The following ZC3H7B variants were observed in gnomAD, a reference collection of about 807,000 sequenced individuals.
ZC3H7B encodes zinc finger CCCH domain-containing protein 7B.
ZC3H7B carries 35 observed loss-of-function variants against 116.0 expected under a neutral mutation model. The observed-to-expected ratio is 0.30, with a 90% CI of 0.23 to 0.40. The LOEUF (loss-of-function observed/expected upper bound fraction) is 0.40, where lower values mean the gene tolerates loss of function less well. Among genes scored for constraint, ZC3H7B ranks in the 10% least tolerant of loss-of-function variants. The pLI, the probability that ZC3H7B is intolerant of heterozygous loss-of-function variation, is 1.00. For synonymous variants in ZC3H7B, 502 were observed against 545.6 expected (o/e 0.92, Z 1.11); for missense variants, 1,011 against 1,321.5 (o/e 0.77, Z 3.64).
chr22:41,326,266 T>C (rs557332972), intron 4 of ZC3H7B, among the ~76,000 whole-genome samples: 35 of 152,168 alleles, frequency 2.3e-4, no homozygotes, highest in African/African-American at 8.2e-4. Flanking sequence ...CCCCACTGTT[T>C]CTTCCATAGC....
intron 1 of ZC3H7B, among the ~76,000 whole-genome samples, chr22:41,315,230 C>A (rs1054805464): frequency 2.6e-5 from 4 of 151,600 alleles, no homozygotes; most frequent in Admixed American, 2.6e-4. Flanking sequence ...TGCTAGAGTA[C>A]AAGTGGCACG....
intron 12 of ZC3H7B, 54 bp from the exon 13 acceptor site, chr22:41,343,361 A>G (rs1011733757): frequency 7.9e-5 from 124 of 1,569,446 alleles, no homozygotes; most frequent in Non-Finnish European, 1.1e-4. Context: ...CCTGCCAGCC[A>G]TCACTCTTCA....
chr22:41,322,312 T>A (rs887361731), intron 2 of ZC3H7B, among the ~76,000 whole-genome samples: 2 of 151,362 alleles, frequency 1.3e-5, no homozygotes, highest in African/African-American at 4.9e-5. Flanking sequence ...CTCAGCCTCC[T>A]GAGTAGCTGG....
intron 10 of ZC3H7B, among the ~76,000 whole-genome samples, chr22:41,340,593 G>A (rs2036509678): frequency 6.6e-6 from 1 of 152,152 alleles, no homozygotes; most frequent in African/African-American, 2.4e-5. Flanking sequence ...ACAGCCCAGG[G>A]CACTCGACTG....
chr22:41,329,080 C>A (rs1384962490), intron 5 of ZC3H7B, among the ~76,000 whole-genome samples: 2 of 148,584 alleles, frequency 1.3e-5, no homozygotes, highest in Non-Finnish European at 3.0e-5. Context: ...GTGGCACATG[C>A]CTGTAATCCC....
chr22:41,313,439 A>G (rs1454279197), intron 1 of ZC3H7B, among the ~76,000 whole-genome samples: 2 of 152,246 alleles, frequency 1.3e-5, no homozygotes, highest in South Asian at 4.1e-4. Context: ...ACCAAAGCCA[A>G]TCACTGGCAA....
At position 41,338,212 on chromosome 22, in the gene ZC3H7B, G is replaced by C; in HGVS notation, c.583-101G>C. The C allele has an allele frequency of 5.5e-6, 7 of 1,276,698 alleles. No individual in the cohort carries two copies. Among genetic ancestry groups the C allele is most frequent in the Non-Finnish European group, 6.6e-6 (6 of 910,268 alleles). The allele number at this position is 1,276,698 out of a possible 1,614,324, so 79.1% of individuals were successfully genotyped here. A position where few individuals can be genotyped will look rare whatever the true frequency, so the allele number is the denominator to read the frequency against. On this transcript the variant is annotated intron_variant, in intron 7 of 22. Transcript: ENST00000352645. This position sits in a 1 kb window ranked among gnomAD's most constrained non-coding sequence, Gnocchi z 4.5. ...TCCCCTGGCACTCTAAGTGCTCCTC[G>C]GTGCTGGGTCAACAGCATAGTCACG...
intron 2 of ZC3H7B, among the ~76,000 whole-genome samples, chr22:41,323,994 C>T (rs1295170129): frequency 2.0e-5 from 3 of 152,004 alleles, no homozygotes; most frequent in South Asian, 2.1e-4. Context: ...GGCGTGAACC[C>T]GGGAGGTGGA....
In ZC3H7B at chr22:41,320,646, C is replaced by A. The variant is rs2036243793; in HGVS notation, c.-6-9C>A. 1 of 1,613,558 alleles carries A rather than the reference C, an allele frequency of 6.2e-7. No homozygotes were observed. The highest frequency in any genetic ancestry group is 1.3e-5 in the African/African-American group (1 of 74,920). ...CTGACTGACTGATGGACTGTGCTCT[C>A]TTCCCCAGAGACTGATGGAGAGGCA... On this transcript the variant is annotated splice_polypyrimidine_tract_variant and intron_variant, in intron 1 of 22. Coordinates refer to ENST00000352645, the MANE Select transcript of ZC3H7B (RefSeq NM_017590.6).
In ZC3H7B at chr22:41,325,600, G is replaced by A. The variant is rs1213973315; in HGVS notation, c.87+3G>A. On this transcript the variant is annotated splice_donor_region_variant and intron_variant, in intron 3 of 22. Coordinates refer to ENST00000352645, the MANE Select transcript of ZC3H7B (RefSeq NM_017590.6). The stretch of plus-strand genomic sequence containing the variant: ...CCCTAAAGCAAGAAGAATATGAGGT[G>A]AGTGTCAGCTGCCAGGCTGAGCAAA... The A allele has an allele frequency of 6.2e-7, 1 of 1,611,900 alleles. No homozygotes were observed. Among genetic ancestry groups the A allele is most frequent in the Non-Finnish European group, 8.5e-7 (1 of 1,179,154 alleles).
Position 41,357,594 on chromosome 22 carries a change from T to C in ZC3H7B, c.*165T>C, listed in dbSNP as rs2036740109. The C allele has an allele frequency of 9.9e-7, 1 of 1,015,220 alleles. No homozygotes were observed. Among genetic ancestry groups the C allele is most frequent in the Non-Finnish European group, 1.4e-6 (1 of 718,276 alleles). 62.9% of individuals were successfully genotyped at this position (1,015,220 alleles called of 1,614,324 possible). On this transcript the variant is annotated 3_prime_UTR_variant, in exon 23 of 23. Coordinates refer to ENST00000352645, the MANE Select transcript of ZC3H7B (RefSeq NM_017590.6). This position sits in a 1 kb window ranked among gnomAD's most constrained non-coding sequence, Gnocchi z 5.4. ...CATCTTCTCCCCACCACCGCCCCGG[T>C]GTGCGTACCCAGGCGCACGTGCTGC...
At chr22:41,304,498 C>T (rs1182709854) in intron 1 of ZC3H7B, among the ~76,000 whole-genome samples, 1 of 152,148 alleles carries the variant, frequency 6.6e-6, no homozygotes, top group Non-Finnish European at 1.5e-5. Flanking sequence ...TTGCAATTGA[C>T]TTTGTCATTT....
Position 41,355,537 on chromosome 22 carries a change from G to T in ZC3H7B, c.2103G>T (p.Trp701Cys). The change falls in exon 18 of 23, where the codon TGG (tryptophan) becomes TGT (cysteine). Residue 701 changes from tryptophan (W) to cysteine (C), a missense_variant. Physicochemically the swap from Trp to Cys is radical, Grantham distance 215. Around this residue, in one of 5 missense-constraint regions of ZC3H7B, gnomAD observed 406 missense variants for 590.2 expected, o/e 0.69. Coordinates refer to ENST00000352645, the MANE Select transcript of ZC3H7B (RefSeq NM_017590.6). ...LQMKFVCGQCWRNGQVVEPDK... is the reference protein window; with the variant it reads ...LQMKFVCGQCCRNGQVVEPDK... ...TGAAGTTTGTATGTGGCCAGTGCTG[G>T]AGAAACGGGCAGGTGGTGGAGCCTG... 1 of 1,614,184 alleles carries T rather than the reference G, an allele frequency of 6.2e-7. No homozygotes were observed. The highest frequency in any genetic ancestry group is 8.5e-7 in the Non-Finnish European group (1 of 1,180,026).
At chr22:41,316,570 AAC>A (rs1403240328) in intron 1 of ZC3H7B, among the ~76,000 whole-genome samples, 1 of 146,160 alleles carries the variant, frequency 6.8e-6, no homozygotes, top group Non-Finnish European at 1.5e-5. Flanking sequence ...TGCTGGACTT[AAC>A]AGCTGTAAGC....
At chr22:41,320,741 C>T (rs768733826) in intron 2 of ZC3H7B, 28 bp downstream of exon 2, 64 of 1,157,454 alleles carry the variant, frequency 5.5e-5, no homozygotes, top group Admixed American at 1.8e-4. Flanking sequence ...AGGGGCTGGA[C>T]GGCTGGGTGG....
In ZC3H7B at chr22:41,327,370, T is replaced by G. The variant is rs2036332592; in HGVS notation, c.444+6T>G. On this transcript the variant is annotated splice_donor_region_variant and intron_variant, in intron 5 of 22. Transcript: ENST00000352645. The surrounding 1 kb of genome is among the most constrained non-coding windows in gnomAD (Gnocchi z 4.5). The stretch of plus-strand genomic sequence containing the variant: ...GTTCCCTCGCCCTGCCCCACGTGAG[T>G]GTGGCTCTGCAGCCACGCCGGTGCC... 1 of 1,608,936 alleles carries G rather than the reference T, an allele frequency of 6.2e-7. No homozygotes were observed. Among genetic ancestry groups the G allele is most frequent in the South Asian group, 1.1e-5 (1 of 91,046 alleles).
In ZC3H7B at chr22:41,356,450, A is replaced by G. The variant is rs2036718225; in HGVS notation, c.2491A>G (p.Met831Val). 1 of 1,614,088 alleles carries G rather than the reference A, an allele frequency of 6.2e-7. No homozygotes were observed. Among genetic ancestry groups the G allele is most frequent in the South Asian group, 1.1e-5 (1 of 91,086 alleles). ...SSREGEKQIQ[M>V]PTDYADIMMG... The stretch of plus-strand genomic sequence containing the variant: ...TCGGGAAGGGGAGAAGCAGATCCAG[A>G]TGCCCACGGACTACGCGGACATCAT... The change falls in exon 21 of 23, where the codon ATG becomes GTG. Residue 831 changes from methionine to valine, a missense_variant. Physicochemically the swap from Met to Val is conservative, Grantham distance 21 (BLOSUM62 1). Around this residue, in one of 5 missense-constraint regions of ZC3H7B, gnomAD observed 406 missense variants for 590.2 expected, o/e 0.69. Transcript: ENST00000352645.
Position 41,338,066 on chromosome 22 carries a change from C to A in ZC3H7B, c.583-247C>A, listed in dbSNP as rs1331213116. 6.6e-6 allele frequency among the ~76,000 whole-genome samples: 1 copy of A among 152,132 alleles called. No individual in the cohort carries two copies. The highest frequency in any genetic ancestry group is 1.5e-5 in the Non-Finnish European group (1 of 68,026). On this transcript the variant is annotated intron_variant, in intron 7 of 22. Coordinates refer to ENST00000352645, the MANE Select transcript of ZC3H7B (RefSeq NM_017590.6). The surrounding 1 kb of genome is among the most constrained non-coding windows in gnomAD (Gnocchi z 4.5). ...TATTTTTAGTAGAGATGAGGTTTCA[C>A]CATGTTGGCCATGCTGGTCTTGAAT...
intron 5 of ZC3H7B, among the ~76,000 whole-genome samples, chr22:41,328,749 C>G (rs1225657668): frequency 6.6e-6 from 1 of 152,170 alleles, no homozygotes; most frequent in Non-Finnish European, 1.5e-5. Flanking sequence ...GGCACTGTTA[C>G]AAGCTTTCTA....
Sources: gnomAD v4.1 joint callset for allele counts (sites outside exome capture counted in the v4.1 genomes callset) on GRCh38, gnomAD v4.1.1 for gene constraint, gnomAD v4.1.1 regional missense constraint, Gnocchi (gnomAD v3.1) non-coding constraint, MANE v1.5 for transcripts, NCBI Gene and HGNC (gene_info 2026-07-23, HGNC 2026-07-21) for gene names.